The following SHC3 variants were observed in gnomAD, a reference collection of about 807,000 sequenced individuals.
SHC3 encodes SHC adaptor protein 3.
A neutral mutation model predicts 60.4 loss-of-function variants in SHC3; 15 were observed. That is an observed-to-expected ratio of 0.25 (90% CI 0.17 to 0.38). The LOEUF (loss-of-function observed/expected upper bound fraction) is 0.38, where lower values mean the gene tolerates loss of function less well. Among genes scored for constraint, SHC3 ranks in the 10% least tolerant of loss-of-function variants. The pLI, the probability that SHC3 is intolerant of heterozygous loss-of-function variation, is 1.00. For synonymous variants in SHC3, 294 were observed against 325.9 expected (o/e 0.90, Z 1.05); for missense variants, 677 against 786.1 (o/e 0.86, Z 1.66).
intron 11 of SHC3, chr9:89,037,454 C>A: frequency 1.5e-6 from 1 of 689,130 alleles, no homozygotes; most frequent in Non-Finnish European, 2.7e-6. Context: ...ATGAAAAATT[C>A]AGCCAAACCT....
chr9:89,142,220 G>A (rs974223498), intron 1 of SHC3, among the ~76,000 whole-genome samples: 2 of 152,112 alleles, frequency 1.3e-5, no homozygotes, highest in African/African-American at 4.8e-5. Context: ...TTCTTAAGTT[G>A]GGCCTTGAAC....
intron 11 of SHC3, among the ~76,000 whole-genome samples, chr9:89,032,074 C>T (rs909827564): frequency 3.3e-5 from 5 of 152,124 alleles, no homozygotes; most frequent in Non-Finnish European, 2.9e-5. Flanking sequence ...CAAGGACCTG[C>T]GGGAACTGGA....
At chr9:89,130,924 A>T (rs1270199382) in intron 1 of SHC3, among the ~76,000 whole-genome samples, 1 of 152,188 alleles carries the variant, frequency 6.6e-6, no homozygotes, top group Non-Finnish European at 1.5e-5. Context: ...GAACTGAAGG[A>T]GATAGAGACA....
intron 1 of SHC3, among the ~76,000 whole-genome samples, chr9:89,173,408 TC>T (rs1286682184): frequency 6.6e-6 from 1 of 152,204 alleles, no homozygotes; most frequent in Non-Finnish European, 1.5e-5. Context: ...CATATATTCC[TC>T]AAAACTATGA....
At chr9:89,124,805 T>C (rs2118149734) in intron 1 of SHC3, among the ~76,000 whole-genome samples, 1 of 151,738 alleles carries the variant, frequency 6.6e-6, no homozygotes, top group South Asian at 2.1e-4. Flanking sequence ...TCTACCTATG[T>C]GACAAAACCT....
intron 4 of SHC3, among the ~76,000 whole-genome samples, chr9:89,071,677 C>G (rs1417552115): frequency 6.6e-6 from 1 of 152,168 alleles, no homozygotes; most frequent in African/African-American, 2.4e-5. Flanking sequence ...AGCAACATGC[C>G]AACAGGTACC....
At chr9:89,110,977 T>C (rs1825939163) in intron 2 of SHC3, among the ~76,000 whole-genome samples, 1 of 152,278 alleles carries the variant, frequency 6.6e-6, no homozygotes, top group African/African-American at 2.4e-5. Context: ...ACTGTAATTA[T>C]TCACTTGTTC....
intron 6 of SHC3, among the ~76,000 whole-genome samples, chr9:89,060,315 G>T (rs1287624628): frequency 6.6e-6 from 1 of 150,912 alleles, no homozygotes; most frequent in Non-Finnish European, 1.5e-5. Context: ...CGTGGTAGAG[G>T]ACGTGGTGTA....
At chr9:89,121,805 G>A (rs1826096573) in intron 1 of SHC3, among the ~76,000 whole-genome samples, 2 of 152,194 alleles carry the variant, frequency 1.3e-5, no homozygotes, top group South Asian at 4.1e-4. Context: ...ACAATTTAAA[G>A]TAATGGGGGA....
At chr9:89,082,041 C>A (rs1480905838) in intron 2 of SHC3, among the ~76,000 whole-genome samples, 1 of 152,038 alleles carries the variant, frequency 6.6e-6, no homozygotes, top group Non-Finnish European at 1.5e-5. Context: ...CCCCTTGGTG[C>A]TCCTGGATGT....
intron 2 of SHC3, among the ~76,000 whole-genome samples, chr9:89,112,225 T>A (rs1047448305): frequency 3.3e-5 from 5 of 152,228 alleles, no homozygotes; most frequent in Non-Finnish European, 7.3e-5. Flanking sequence ...AGAACATGGT[T>A]CAGTACATTT....
chr9:89,092,387 G>T (rs1165924087), intron 2 of SHC3, among the ~76,000 whole-genome samples: 1 of 152,148 alleles, frequency 6.6e-6, no homozygotes, highest in Non-Finnish European at 1.5e-5. Flanking sequence ...GGAGGCCGAG[G>T]CAGGCAGATC....
rs1826982795 is a variant in SHC3, at chr9:89,178,502, T to TGCCGGCCCCGGCGCGGGCTGCC, written c.-64_-43dup. 1 of 1,417,168 alleles carries TGCCGGCCCCGGCGCGGGCTGCC rather than the reference T, an allele frequency of 7.1e-7. No homozygotes were observed. Among genetic ancestry groups the TGCCGGCCCCGGCGCGGGCTGCC allele is most frequent in the African/African-American group, 1.5e-5 (1 of 67,048 alleles). 87.8% of individuals were successfully genotyped at this position (1,417,168 alleles called of 1,614,324 possible). A position where few individuals can be genotyped will look rare whatever the true frequency, so the allele number is the denominator to read the frequency against. On this transcript the variant is annotated 5_prime_UTR_variant, in exon 1 of 12. Transcript: ENST00000375835. This position sits in a 1 kb window ranked among gnomAD's most constrained non-coding sequence, Gnocchi z 6.9. ...GCTGCATCCGCCCGGGCGCTGCTGG[T>TGCCGGCCCCGGCGCGGGCTGCC]GCCGGCCCCGGCGCGGGCTGCCGCG...
intron 11 of SHC3, among the ~76,000 whole-genome samples, chr9:89,031,725 T>G (rs1376339525): frequency 6.7e-6 from 1 of 149,578 alleles, no homozygotes; most frequent in African/African-American, 2.6e-5. Flanking sequence ...TGCGTGGGAA[T>G]GGGGTGAGGG....
chr9:89,144,964 C>T (rs1374221171), intron 1 of SHC3, among the ~76,000 whole-genome samples: 1 of 152,078 alleles, frequency 6.6e-6, no homozygotes, highest in African/African-American at 2.4e-5. Context: ...TAGGTTTCAC[C>T]AACCCAAGGA....
intron 1 of SHC3, among the ~76,000 whole-genome samples, chr9:89,159,204 C>A (rs1023871057): frequency 6.6e-6 from 1 of 152,060 alleles, no homozygotes; most frequent in African/African-American, 2.4e-5. Flanking sequence ...GTCATGTAGG[C>A]ACATGAACTA....
intron 2 of SHC3, among the ~76,000 whole-genome samples, chr9:89,089,719 A>G (rs1462725583): frequency 6.6e-6 from 1 of 152,232 alleles, no homozygotes; most frequent in Non-Finnish European, 1.5e-5. Context: ...CTTCAGAGCC[A>G]CTTTTTCCCA....
chr9:89,047,007 G>T lies in SHC3; in HGVS notation c.963-13C>A. On this transcript the variant is annotated splice_polypyrimidine_tract_variant and intron_variant, in intron 7 of 11. Transcript: ENST00000375835. ...CAGACTCTGCATTCTGTTAAAGGAA[G>T]ATTTCCAAGGGCTTTAGCCAAAAGT... is the stretch of plus-strand genomic sequence containing the variant. 6.5e-7 allele frequency: 1 copy of T among 1,542,860 alleles called. No individual in the cohort carries two copies. Among genetic ancestry groups the T allele is most frequent in the Non-Finnish European group, 8.7e-7 (1 of 1,145,238 alleles).
intron 2 of SHC3, 31 bp from the exon 3 acceptor site, chr9:89,077,934 A>ACGTGTCAGT (rs1399689007): frequency 6.2e-7 from 1 of 1,613,488 alleles, no homozygotes; most frequent in Non-Finnish European, 8.5e-7. Context: ...CAATTTTATT[A>ACGTGTCAGT]CGTGTCAGTC....
Sources: allele counts gnomAD v4.1 joint callset (sites outside exome capture counted in the v4.1 genomes callset), GRCh38; gene constraint gnomAD v4.1.1; non-coding constraint Gnocchi (gnomAD v3.1); transcripts MANE v1.5; gene names NCBI Gene and HGNC (gene_info 2026-07-23, HGNC 2026-07-21).